Variants in LSAMP observed in about 807,000 individuals in gnomAD.
LSAMP encodes limbic system associated membrane protein, also known as limbic system-associated membrane protein.
LSAMP carries 7 observed loss-of-function variants against 38.6 expected under a neutral mutation model. The ratio of observed to expected loss-of-function variants is 0.18; its 90% CI spans 0.10 to 0.34. The LOEUF is 0.34. LSAMP is among the 10% of genes least tolerant of loss of function. The pLI is 1.00. For missense variants in LSAMP, 313 were observed against 420.0 expected (o/e 0.75, Z 2.23); for synonymous variants, 154 against 166.8 (o/e 0.92, Z 0.59).
chr3:116,162,528 C>T (rs909159108), intron 1 of LSAMP, among the ~76,000 whole-genome samples: 33 of 152,052 alleles, frequency 2.2e-4, no homozygotes, highest in Non-Finnish European at 5.9e-5. Context: ...ATTAAGCGAT[C>T]CTCCACATAT....
At chr3:115,932,484 A>G (rs1007716694) in intron 3 of LSAMP, among the ~76,000 whole-genome samples, 2 of 152,236 alleles carry the variant, frequency 1.3e-5, no homozygotes, top group African/African-American at 4.8e-5. Flanking sequence ...GTGCAGAGGT[A>G]CAGAGGGATA....
At chr3:115,927,419 T>C (rs1418609482) in intron 3 of LSAMP, among the ~76,000 whole-genome samples, 4 of 152,146 alleles carry the variant, frequency 2.6e-5, no homozygotes, top group African/African-American at 9.7e-5. Context: ...ATCTGCAGCT[T>C]TCTATGCCTC....
At position 116,388,195 on chromosome 3, in the gene LSAMP, A is replaced by C. The variant is rs114140728; in HGVS notation, c.155+56682T>G. On this transcript the variant is annotated intron_variant, in intron 1 of 6. Coordinates refer to ENST00000490035, the MANE Select transcript of LSAMP (RefSeq NM_002338.5). ...TATCACAGAAGCATGAAGAAAAAAA[A>C]TGAGGCTACTTGACTGAGAAATTAG... 4.5e-3 allele frequency among the ~76,000 whole-genome samples: 686 copies of C among 152,322 alleles called. 8 individuals are homozygous for C. Among genetic ancestry groups the C allele is most frequent in the African/African-American group, 0.016 (652 of 41,552 alleles).
intron 1 of LSAMP, among the ~76,000 whole-genome samples, chr3:116,371,556 A>G (rs2048429466): frequency 6.6e-6 from 1 of 152,162 alleles, no homozygotes; most frequent in South Asian, 2.1e-4. Flanking sequence ...AAAGCCATAT[A>G]TGAAAAACCC....
At chr3:115,944,394 G>A (rs1026753427) in intron 3 of LSAMP, among the ~76,000 whole-genome samples, 21 of 152,062 alleles carry the variant, frequency 1.4e-4, no homozygotes, top group African/African-American at 4.8e-5. Context: ...GGTGACTGTC[G>A]ATTGAAATCT....
chr3:116,069,585 A>C lies in LSAMP; in HGVS notation c.388+16739T>G, dbSNP rs1347958214. Among the ~76,000 whole-genome samples, 6 of 152,312 alleles carry C rather than the reference A, an allele frequency of 3.9e-5. No individual in the cohort carries two copies. In the East Asian group the frequency reaches 1.2e-3, roughly 29 times the overall value. On this transcript the variant is annotated intron_variant, in intron 2 of 6. Coordinates refer to ENST00000490035, the MANE Select transcript of LSAMP (RefSeq NM_002338.5). ...AAAAAAAAAAATGTGGGAAAGAGGT[A>C]ATGAGGGTCTATGTTAGAGAAGGTA...
chr3:115,842,703 A>AT, intron 4 of LSAMP, 125 bp from the exon 5 acceptor site: 1 of 1,174,448 alleles, frequency 8.5e-7, no homozygotes, highest in South Asian at 1.5e-5. Flanking sequence ...TTAAAGCTCC[A>AT]TTTGTATGAA....
intron 1 of LSAMP, among the ~76,000 whole-genome samples, chr3:116,259,891 C>T (rs1416729567): frequency 6.6e-6 from 1 of 152,212 alleles, no homozygotes; most frequent in Non-Finnish European, 1.5e-5. Context: ...AGCAGCATCA[C>T]AGCTTGCTTT....
intron 1 of LSAMP, among the ~76,000 whole-genome samples, chr3:116,337,558 T>C (rs1331422018): frequency 1.3e-5 from 2 of 152,024 alleles, no homozygotes; most frequent in African/African-American, 2.4e-5. Context: ...TAGCTAGCTT[T>C]GTCCTTTGGA....
At chr3:116,069,300 A>T (rs1707540366) in intron 2 of LSAMP, among the ~76,000 whole-genome samples, 1 of 152,076 alleles carries the variant, frequency 6.6e-6, no homozygotes, top group African/African-American at 2.4e-5. Context: ...GGCTAACTCT[A>T]CCTTCACAAT....
chr3:116,277,122 C>T (rs2047065237), intron 1 of LSAMP, among the ~76,000 whole-genome samples: 2 of 152,072 alleles, frequency 1.3e-5, no homozygotes, highest in Admixed American at 1.3e-4. Context: ...TAGAACATGG[C>T]CTCTGATAAG....
At chr3:116,044,114 A>T (rs544466616) in intron 2 of LSAMP, among the ~76,000 whole-genome samples, 81 of 152,326 alleles carry the variant, frequency 5.3e-4, no homozygotes, top group African/African-American at 1.9e-3. Context: ...CTCCAGATAG[A>T]TGGACAGATA....
intron 2 of LSAMP, among the ~76,000 whole-genome samples, chr3:116,020,623 C>T (rs191235765): frequency 8.6e-4 from 131 of 152,254 alleles, no homozygotes; most frequent in Admixed American, 1.4e-3. Flanking sequence ...AATGAGTCCT[C>T]AAGGGCTAGC....
intron 6 of LSAMP, chr3:115,834,470 G>C (rs1415364615): frequency 6.2e-6 from 6 of 961,614 alleles, no homozygotes; most frequent in Admixed American, 4.7e-5. Context: ...TGAATTTTTT[G>C]AATGTGTTTT....
At chr3:116,366,459 C>T (rs2107785150) in intron 1 of LSAMP, among the ~76,000 whole-genome samples, 1 of 152,224 alleles carries the variant, frequency 6.6e-6, no homozygotes, top group Non-Finnish European at 1.5e-5. Context: ...AGTCTTTTGA[C>T]ACTGATTACT....
chr3:115,830,668 TAAGGAGCTGAA>T (rs1934578858), intron 6 of LSAMP, among the ~76,000 whole-genome samples: 1 of 152,220 alleles, frequency 6.6e-6, no homozygotes, highest in Admixed American at 6.5e-5. Flanking sequence ...ACTGTTGTAT[TAAGGAGCTGAA>T]AATAAGCTTT....
At chr3:115,906,302 G>C (rs560627695) in intron 3 of LSAMP, among the ~76,000 whole-genome samples, 66 of 152,208 alleles carry the variant, frequency 4.3e-4, no homozygotes, top group Middle Eastern at 3.4e-3. Flanking sequence ...TATTAAGCAT[G>C]GTGCTGAGAT....
chr3:116,062,355 A>G (rs945117741), intron 2 of LSAMP, among the ~76,000 whole-genome samples: 8 of 152,164 alleles, frequency 5.3e-5, no homozygotes, highest in African/African-American at 1.9e-4. Context: ...CTGAAGATAC[A>G]AAAATTAGCC....
rs1189099762 is a variant in LSAMP, at chr3:116,133,237, T to C, written c.156-46681A>G. On this transcript the variant is annotated intron_variant, in intron 1 of 6. Transcript: ENST00000490035. ...TAAACTTGGTGAATCTCTTTCCACA[T>C]TTACTTTTTTTTCCTTTTTTTTTTG... Among the ~76,000 whole-genome samples, 6 of 152,074 alleles carry C rather than the reference T, an allele frequency of 3.9e-5. No individual in the cohort carries two copies. The South Asian group carries it at 1.2e-3, about 31-fold the overall frequency.
Sources: allele counts gnomAD v4.1 joint callset (sites outside exome capture counted in the v4.1 genomes callset), GRCh38; gene constraint gnomAD v4.1.1; transcripts MANE v1.5; gene names NCBI Gene and HGNC (gene_info 2026-07-23, HGNC 2026-07-21).